The following TYW1 variants were observed in gnomAD, a reference collection of about 807,000 sequenced individuals.
TYW1 encodes the protein tRNA-yW synthesizing protein 1 homolog.
Under a neutral mutation model 96.2 loss-of-function variants are expected in TYW1, and 46 were observed. The ratio of observed to expected loss-of-function variants is 0.48; its 90% CI spans 0.38 to 0.61. The LOEUF (loss-of-function observed/expected upper bound fraction) is 0.61. TYW1 is among the 20% of genes least tolerant of loss of function. The probability of loss-of-function intolerance (pLI) is 0.00; values close to 1 mark genes in which losing one functional copy is unlikely to be tolerated. For synonymous variants in TYW1, 274 were observed against 323.0 expected, an observed-to-expected ratio of 0.85 and a Z score of 1.63; for missense variants, 684 against 909.6, an observed-to-expected ratio of 0.75 and a Z score of 3.19.
chr7:67,072,934 GTTTTTTTT>G (rs529812538), intron 10 of TYW1, among the ~76,000 whole-genome samples: 8 of 71,222 alleles, frequency 1.1e-4, no homozygotes, highest in African/African-American at 3.3e-4. Flanking sequence ...TGCCTATCCA[GTTTTTTTT>G]TTTTTTTTTT....
intron 15 of TYW1, among the ~76,000 whole-genome samples, chr7:67,197,968 C>T (rs10235689): frequency 7.3e-6 from 1 of 137,184 alleles, no homozygotes; most frequent in African/African-American, 2.8e-5. Context: ...TGCCCCCCGC[C>T]CCCGCAGCAT....
At chr7:67,195,401 CTCTT>C (rs1455144881) in intron 15 of TYW1, 64 bp downstream of exon 15, 30 of 1,604,722 alleles carry the variant, frequency 1.9e-5, no homozygotes, top group Admixed American at 1.9e-4. Context: ...CTTCTCTTCT[CTCTT>C]TATTTTCCTC....
intron 13 of TYW1, among the ~76,000 whole-genome samples, chr7:67,165,718 A>G (rs1012061450): frequency 6.6e-6 from 1 of 152,150 alleles, no homozygotes; most frequent in East Asian, 1.9e-4. Flanking sequence ...GCTTGAGCTC[A>G]GGTATTTGAG....
At chr7:67,142,700 G>A (rs1368384065) in intron 13 of TYW1, among the ~76,000 whole-genome samples, 1 of 152,112 alleles carries the variant, frequency 6.6e-6, no homozygotes, top group Non-Finnish European at 1.5e-5. Context: ...CCAAAGTGCT[G>A]GGATTACAGG....
intron 15 of TYW1, among the ~76,000 whole-genome samples, chr7:67,219,885 T>C (rs1801328447): frequency 6.7e-6 from 1 of 149,962 alleles, no homozygotes; most frequent in Non-Finnish European, 1.5e-5. Flanking sequence ...TGTTAATCTC[T>C]GCTCTAATCT....
chr7:67,050,869 G>A lies in TYW1; in HGVS notation c.1102+803G>A, dbSNP rs374670286. ...TGCTTACTAGCAATAACATTTTCACGAATAGTTGCTCAAGGTTTTACACTA... is the reference window on the plus strand; with the variant it reads ...TGCTTACTAGCAATAACATTTTCACAAATAGTTGCTCAAGGTTTTACACTA... On this transcript the variant is annotated intron_variant, in intron 8 of 15. Coordinates refer to ENST00000359626, the MANE Select transcript of TYW1 (RefSeq NM_018264.4). Among the ~76,000 whole-genome samples, 193 of 151,140 alleles carry A rather than the reference G, an allele frequency of 1.3e-3. 7 individuals carry two copies. The South Asian group carries it at 0.038, about 30-fold the overall frequency.
chr7:67,124,653 A>G (rs1312784045), intron 13 of TYW1, among the ~76,000 whole-genome samples: 1 of 152,150 alleles, frequency 6.6e-6, no homozygotes, highest in Non-Finnish European at 1.5e-5. Context: ...TTAACTTTAT[A>G]TAAATGAAAC....
intron 7 of TYW1, among the ~76,000 whole-genome samples, chr7:67,039,979 T>C (rs1370780536): frequency 1.4e-5 from 2 of 146,258 alleles, no homozygotes; most frequent in Non-Finnish European, 3.0e-5. Context: ...TTTTTTGAGA[T>C]GGAGTCTCAC....
chr7:67,042,324 C>G (rs73134229), intron 7 of TYW1, among the ~76,000 whole-genome samples: 5 of 146,576 alleles, frequency 3.4e-5, no homozygotes, highest in African/African-American at 5.0e-5. Context: ...ACCTCCCTCC[C>G]TCTGTAGTAC....
At chr7:67,057,111 T>C (rs1472895126) in intron 9 of TYW1, among the ~76,000 whole-genome samples, 1 of 151,322 alleles carries the variant, frequency 6.6e-6, no homozygotes, top group East Asian at 1.9e-4. Context: ...GCCTCCTGGG[T>C]TCAAATGATT....
At chr7:67,033,406 G>C (rs4717345) in intron 7 of TYW1, among the ~76,000 whole-genome samples, 7,839 of 152,248 alleles carry the variant, frequency 0.051, 277 homozygotes, top group Admixed American at 0.072. Flanking sequence ...GTGCTCACTT[G>C]CTAATGCAAG....
intron 13 of TYW1, among the ~76,000 whole-genome samples, chr7:67,140,230 A>G (rs1458851280): frequency 6.6e-6 from 1 of 152,236 alleles, no homozygotes; most frequent in East Asian, 1.9e-4. Flanking sequence ...TGGGAATTCA[A>G]GATGAGATTT....
chr7:67,163,364 G>A (rs779343266), intron 13 of TYW1, among the ~76,000 whole-genome samples: 3 of 152,080 alleles, frequency 2.0e-5, no homozygotes, highest in Non-Finnish European at 4.4e-5. Flanking sequence ...CCAGTGCTCC[G>A]AGCCTCTTCT....
At chr7:67,105,010 C>T (rs34163633) in intron 12 of TYW1, among the ~76,000 whole-genome samples, 1 of 152,254 alleles carries the variant, frequency 6.6e-6, no homozygotes, top group East Asian at 1.9e-4. Flanking sequence ...GGGGCCTCTA[C>T]TCACATGGCC....
At chr7:67,032,497 T>G (rs1359113246) in intron 7 of TYW1, among the ~76,000 whole-genome samples, 1 of 152,150 alleles carries the variant, frequency 6.6e-6, no homozygotes, top group East Asian at 1.9e-4. Flanking sequence ...TGATGGCGCC[T>G]GTAATCTCAG....
At chr7:67,156,237 C>T (rs1798966301) in intron 13 of TYW1, among the ~76,000 whole-genome samples, 1 of 152,136 alleles carries the variant, frequency 6.6e-6, no homozygotes, top group Non-Finnish European at 1.5e-5. Context: ...TTCTTAGGCC[C>T]CAGGCAGTGT....
intron 13 of TYW1, among the ~76,000 whole-genome samples, chr7:67,127,244 C>G (rs534260754): frequency 1.3e-5 from 2 of 151,790 alleles, no homozygotes; most frequent in South Asian, 4.2e-4. Context: ...CTGCAACCTC[C>G]ACCTCCCAGG....
chr7:67,195,350 C>G lies in TYW1; in HGVS notation c.1977+13C>G. ...AGCACACAGAAAGGTAAGAATAACT[C>G]AAACATGGATTCTTCTGTTCCCCGA... On this transcript the variant is annotated intron_variant, in intron 15 of 15. Transcript: ENST00000359626. 1 of 1,613,220 alleles carries G rather than the reference C, an allele frequency of 6.2e-7. No individual in the cohort carries two copies. The highest frequency in any genetic ancestry group is 8.5e-7 in the Non-Finnish European group (1 of 1,179,488).
intron 5 of TYW1, among the ~76,000 whole-genome samples, chr7:67,016,801 A>G (rs1794039686): frequency 6.6e-6 from 1 of 151,576 alleles, no homozygotes; most frequent in African/African-American, 2.4e-5. Flanking sequence ...TAGTTTTTGT[A>G]TTTTTTGTAG....
Sources: allele counts gnomAD v4.1 joint callset (sites outside exome capture counted in the v4.1 genomes callset), GRCh38; gene constraint gnomAD v4.1.1; transcripts MANE v1.5; gene names NCBI Gene and HGNC (gene_info 2026-07-23, HGNC 2026-07-21).